Variants in SPTB observed in about 807,000 individuals in gnomAD.
SPTB encodes spectrin beta, erythrocytic.
SPTB carries 45 observed loss-of-function variants against 256.2 expected under a neutral mutation model. The observed-to-expected ratio is 0.18, with a 90% confidence interval of 0.14 to 0.23. The LOEUF (loss-of-function observed/expected upper bound fraction) is 0.23. Ranked by LOEUF, SPTB falls within the 10% of genes least tolerant of loss-of-function variation. SPTB has a pLI of 1.00. For missense variants in SPTB, 2,715 were observed against 3,040.4 expected (o/e 0.89, Z 2.52); for synonymous variants, 1,231 against 1,243.1 (o/e 0.99, Z 0.21).
At chr14:64,789,641 G>T (rs557009136) in intron 15 of SPTB, among the ~76,000 whole-genome samples, 15 of 152,196 alleles carry the variant, frequency 9.9e-5, no homozygotes, top group Non-Finnish European at 1.8e-4. Context: ...TAAACAGCAG[G>T]AACCCCAAAA....
chr14:64,879,097 A>C (rs1327765384), intron 1 of SPTB, among the ~76,000 whole-genome samples: 2 of 152,198 alleles, frequency 1.3e-5, no homozygotes, highest in Non-Finnish European at 2.9e-5. Context: ...ACTGGAGAGG[A>C]GGGTGAGGGT....
rs111256771 is a variant in SPTB, at chr14:64,795,989, C to T, written c.1342-350G>A. Among the ~76,000 whole-genome samples, 10 of 152,288 alleles carry T rather than the reference C, an allele frequency of 6.6e-5. No individual in the cohort carries two copies. The highest frequency in any genetic ancestry group is 1.7e-4 in the African/African-American group (7 of 41,552). On this transcript the variant is annotated intron_variant, in intron 11 of 35. Transcript: ENST00000644917. The surrounding 1 kb of genome is among the most constrained non-coding windows in gnomAD (Gnocchi z 6.5). ...GGGCAGGAAGGGGCTGCTTCTCACT[C>T]GGAAACCCATGCACCAGCAAACAGA...
Position 64,771,025 on chromosome 14 carries a change from C to G in SPTB, c.5658G>C (p.Gln1886His). Reference sequence around the variant, plus strand: ...GCCCGGCACAGGCATCGAGCAGCGCCTGCCACGCGGCAGACACCTCCTGCT... The same window carrying G: ...GCCCGGCACAGGCATCGAGCAGCGCGTGCCACGCGGCAGACACCTCCTGCT... ...NKEQEVSAAW[Q>H]ALLDACAGRR... The change falls in exon 27 of 36, where the codon CAG (glutamine) becomes CAC (histidine). Residue 1886 changes from glutamine (Q) to histidine (H), a missense_variant. Coordinates refer to ENST00000644917, the MANE Select transcript of SPTB (RefSeq NM_001355436.2). 1 of 1,614,196 alleles carries G rather than the reference C, an allele frequency of 6.2e-7. No individual in the cohort carries two copies. The highest frequency in any genetic ancestry group is 8.5e-7 in the Non-Finnish European group (1 of 1,180,056).
chr14:64,808,224 G>C (rs1227904218), intron 2 of SPTB, among the ~76,000 whole-genome samples: 1 of 152,150 alleles, frequency 6.6e-6, no homozygotes, highest in Non-Finnish European at 1.5e-5. Context: ...ATGTTGGTCA[G>C]GATGGTCTTG....
chr14:64,800,563 T>G (rs1054874254), intron 8 of SPTB, among the ~76,000 whole-genome samples, 193 bp downstream of exon 8: 1 of 152,220 alleles, frequency 6.6e-6, no homozygotes, highest in African/African-American at 2.4e-5. Context: ...CTGTGGTACC[T>G]TTCAGGACAG....
intron 31 of SPTB, among the ~76,000 whole-genome samples, chr14:64,767,061 G>A (rs2082196690): frequency 1.3e-5 from 2 of 152,184 alleles, no homozygotes; most frequent in Admixed American, 1.3e-4. Context: ...CCGAGGTGGG[G>A]CCTCGCCTGG....
intron 10 of SPTB, among the ~76,000 whole-genome samples, chr14:64,797,399 C>T (rs954252173): frequency 3.8e-5 from 5 of 132,252 alleles, no homozygotes; most frequent in East Asian, 4.8e-4. Flanking sequence ...CCCAGGAGGA[C>T]GAGGCTGCAG....
At position 64,816,270 on chromosome 14, in the gene SPTB, G is replaced by C. The variant is rs1448353354; in HGVS notation, c.148+6677C>G. Among the ~76,000 whole-genome samples the C allele has an allele frequency of 1.3e-5, 2 of 152,116 alleles. No homozygotes were observed. Among genetic ancestry groups the C allele is most frequent in the Non-Finnish European group, 2.9e-5 (2 of 68,018 alleles). ...GTATGGAAAGGCACGCTGAGGTCTT[G>C]AATAAAAAACTCAACATCATCAAGA... On this transcript the variant is annotated intron_variant, in intron 2 of 35. Coordinates refer to ENST00000644917, the MANE Select transcript of SPTB (RefSeq NM_001355436.2). The surrounding 1 kb of genome is among the most constrained non-coding windows in gnomAD (Gnocchi z 4.2).
Position 64,760,046 on chromosome 14 carries a change from G to A in SPTB, c.6346-6253C>T, listed in dbSNP as rs1018809089. On this transcript the variant is annotated intron_variant, in intron 32 of 35. Coordinates refer to ENST00000644917, the MANE Select transcript of SPTB (RefSeq NM_001355436.2). The surrounding 1 kb of genome is among the most constrained non-coding windows in gnomAD (Gnocchi z 4.3). ...AGCAGCATTGGTTGCTGGTTGACAG[G>A]GATCAGTGGAGAAGAGGGCACAGCC... Among the ~76,000 whole-genome samples, 1 of 152,134 alleles carries A rather than the reference G, an allele frequency of 6.6e-6. No homozygotes were observed. The highest frequency in any genetic ancestry group is 1.5e-5 in the Non-Finnish European group (1 of 68,030).
Position 64,787,105 on chromosome 14 carries a change from G to T in SPTB, c.2860C>A (p.Leu954Ile), listed in dbSNP as rs935007562. Residue 954 changes from leucine (L) to isoleucine (I), a missense_variant, in exon 16 of 36, where the codon CTC (leucine) becomes ATC (isoleucine). Physicochemically the swap from Leu to Ile is conservative, Grantham distance 5 (BLOSUM62 2). This residue lies in a region of SPTB where 2,239 missense variants were observed against 2,384.4 expected (regional missense o/e 0.94). Transcript: ENST00000644917. Reference protein sequence around the residue: ...SERREAVDSALRVHNYCVDCE... With the variant: ...SERREAVDSAIRVHNYCVDCE... The stretch of plus-strand genomic sequence containing the variant: ...TCTACGCAGTAGTTGTGCACTCGGA[G>T]GGCTGAGTCCACAGCCTCCCGCCGC... 3 of 1,608,960 alleles carry T rather than the reference G, an allele frequency of 1.9e-6. No homozygotes were observed. The highest frequency in any genetic ancestry group is 3.3e-4 in the Middle Eastern group (2 of 6,062).
rs997495713 is a variant in SPTB, at chr14:64,792,293, C to G, written c.2667-437G>C. On this transcript the variant is annotated intron_variant, in intron 14 of 35. Transcript: ENST00000644917. The surrounding 1 kb of genome is among the most constrained non-coding windows in gnomAD (Gnocchi z 4.2). ...AAGATACCCTTTCCAGCCAGGTGCTCCATTCCTGGGTAAGATAAGGAAAAG... is the reference window on the plus strand; with the variant it reads ...AAGATACCCTTTCCAGCCAGGTGCTGCATTCCTGGGTAAGATAAGGAAAAG... Among the ~76,000 whole-genome samples the G allele has an allele frequency of 6.6e-6, 1 of 152,202 alleles. No individual in the cohort carries two copies. The highest frequency in any genetic ancestry group is 1.5e-5 in the Non-Finnish European group (1 of 68,040).
At position 64,778,779 on chromosome 14, in the gene SPTB, G is replaced by C. The variant is rs1398826941; in HGVS notation, c.4563+378C>G. 6.6e-6 allele frequency among the ~76,000 whole-genome samples: 1 copy of C among 152,084 alleles called. No homozygotes were observed. Among genetic ancestry groups the C allele is most frequent in the African/African-American group, 2.4e-5 (1 of 41,398 alleles). On this transcript the variant is annotated intron_variant, in intron 22 of 35. Transcript: ENST00000644917. The surrounding 1 kb of genome is among the most constrained non-coding windows in gnomAD (Gnocchi z 5.2). Reference sequence around the variant, plus strand: ...TGGAAGAGGGGCAAGGCAGTGTTGTGGGAGAGAGATCAGGAGTTACTGCCC... The same window carrying C: ...TGGAAGAGGGGCAAGGCAGTGTTGTCGGAGAGAGATCAGGAGTTACTGCCC...
chr14:64,791,761 C>A lies in SPTB; in HGVS notation c.2762G>T (p.Arg921Leu), dbSNP rs147984790. ...ANSLVESGHP[R>L]SREVKQYQDH... is the part of the protein sequence containing the mutation. ...CTGGTACTGCTTCACCTCCCTGCTGCGTGGGTGGCCACTCTCTACCAAGCT... is the reference window on the plus strand; with the variant it reads ...CTGGTACTGCTTCACCTCCCTGCTGAGTGGGTGGCCACTCTCTACCAAGCT... Residue 921 changes from arginine to leucine, a missense_variant, in exon 15 of 36, where the codon CGC becomes CTC. Around this residue, in one of 4 missense-constraint regions of SPTB, gnomAD observed 2,239 missense variants for 2,384.4 expected, o/e 0.94. Transcript: ENST00000644917. 1.2e-6 allele frequency: 2 copies of A among 1,614,040 alleles called. No individual in the cohort carries two copies. Among genetic ancestry groups the A allele is most frequent in the Non-Finnish European group, 1.7e-6 (2 of 1,179,986 alleles).
rs1475489423 is a variant in SPTB, at chr14:64,749,881, G to A, written c.6776+100C>T. 17 of 1,540,066 alleles carry A rather than the reference G, an allele frequency of 1.1e-5. No individual in the cohort carries two copies. The highest frequency in any genetic ancestry group is 1.7e-5 in the Admixed American group (1 of 59,442). The stretch of plus-strand genomic sequence containing the variant: ...TGATTTGAAAAACCCCTGAGGAGCA[G>A]CTCAGGCCTGGCACTGGTCCCCTAC... On this transcript the variant is annotated intron_variant, in intron 34 of 35. Coordinates refer to ENST00000644917, the MANE Select transcript of SPTB (RefSeq NM_001355436.2). The surrounding 1 kb of genome is among the most constrained non-coding windows in gnomAD (Gnocchi z 4.7).
chr14:64,787,290 A>C, intron 15 of SPTB, 130 bp from the exon 16 acceptor site: 1 of 1,201,450 alleles, frequency 8.3e-7, no homozygotes, highest in Non-Finnish European at 1.1e-6. Context: ...GATAAAAAGA[A>C]AAAAAAAAAT....
Position 64,816,370 on chromosome 14 carries a change from T to G in SPTB, c.148+6577A>C, listed in dbSNP as rs1314032116. On this transcript the variant is annotated intron_variant, in intron 2 of 35. Transcript: ENST00000644917. The surrounding 1 kb of genome is among the most constrained non-coding windows in gnomAD (Gnocchi z 4.2). Reference sequence around the variant, plus strand: ...CACCCCTTTTGAGTTTTTCTCTGCTTCCTGCCCAGGACCTTGGCAACACCG... The same window carrying G: ...CACCCCTTTTGAGTTTTTCTCTGCTGCCTGCCCAGGACCTTGGCAACACCG... Among the ~76,000 whole-genome samples, 2 of 152,156 alleles carry G rather than the reference T, an allele frequency of 1.3e-5. No homozygotes were observed. Among genetic ancestry groups the G allele is most frequent in the African/African-American group, 4.8e-5 (2 of 41,446 alleles).
intron 2 of SPTB, among the ~76,000 whole-genome samples, chr14:64,813,015 A>G (rs983958339): frequency 1.1e-4 from 17 of 152,246 alleles, no homozygotes; most frequent in African/African-American, 4.1e-4. Flanking sequence ...ATAAATTTCA[A>G]TGACAGGAAA....
At chr14:64,869,681 G>A (rs546119477) in intron 1 of SPTB, among the ~76,000 whole-genome samples, 30 of 149,934 alleles carry the variant, frequency 2.0e-4, no homozygotes, top group African/African-American at 6.6e-4. Flanking sequence ...GAATGTAGTG[G>A]CACAATCATG....
At position 64,786,880 on chromosome 14, in the gene SPTB, T is replaced by C; in HGVS notation, c.3085A>G (p.Lys1029Glu). 5 of 1,612,954 alleles carry C rather than the reference T, an allele frequency of 3.1e-6. No homozygotes were observed. The highest frequency in any genetic ancestry group is 4.2e-6 in the Non-Finnish European group (5 of 1,180,006). ...QQLMDSHPEQ[K>E]EDIGQRQKHL... is the part of the protein sequence containing the mutation. ...TTTTGCCGCTGACCAATATCCTCCT[T>C]CTGCTCAGGGTGCGAGTCCATCAGC... is the stretch of plus-strand genomic sequence containing the variant. Residue 1029 changes from lysine to glutamate, a missense_variant, in exon 16 of 36, where the codon AAG becomes GAG. Lys to Glu is a moderately conservative substitution (Grantham distance 56, BLOSUM62 1). Around this residue, in one of 4 missense-constraint regions of SPTB, gnomAD observed 2,239 missense variants for 2,384.4 expected, o/e 0.94. Coordinates refer to ENST00000644917, the MANE Select transcript of SPTB (RefSeq NM_001355436.2). The surrounding 1 kb of genome is among the most constrained non-coding windows in gnomAD (Gnocchi z 5.6).
Sources: gnomAD v4.1 joint callset for allele counts (sites outside exome capture counted in the v4.1 genomes callset) on GRCh38, gnomAD v4.1.1 for gene constraint, gnomAD v4.1.1 regional missense constraint, Gnocchi (gnomAD v3.1) non-coding constraint, MANE v1.5 for transcripts, NCBI Gene and HGNC (gene_info 2026-07-23, HGNC 2026-07-21) for gene names.